The following TTC23 variants were observed in gnomAD, a reference collection of about 807,000 sequenced individuals.
TTC23 encodes the protein tetratricopeptide repeat domain 23.
TTC23 carries 58 observed loss-of-function variants against 55.1 expected under a neutral mutation model. That is an observed-to-expected ratio of 1.05 (90% CI 0.85 to 1.31). The LOEUF (loss-of-function observed/expected upper bound fraction) is 1.31. TTC23 is among the 50% of genes most tolerant of loss of function. The pLI is 0.00. For synonymous variants in TTC23, 203 were observed against 199.9 expected, an observed-to-expected ratio of 1.02 and a Z score of -0.13; for missense variants, 516 against 534.4, an observed-to-expected ratio of 0.97 and a Z score of 0.34.
intron 4 of TTC23, among the ~76,000 whole-genome samples, chr15:99,228,997 T>C (rs567856801): frequency 1.8e-4 from 27 of 152,174 alleles, no homozygotes; most frequent in South Asian, 4.1e-4. Flanking sequence ...CATACATACA[T>C]GTATATGTGT....
At chr15:99,167,578 T>C (rs1034218691) in intron 10 of TTC23, among the ~76,000 whole-genome samples, 3 of 152,190 alleles carry the variant, frequency 2.0e-5, no homozygotes, top group Non-Finnish European at 4.4e-5. Context: ...CTTGGAGCCA[T>C]GTCATTCCAA....
Position 99,162,020 on chromosome 15 carries a change from T to G in TTC23, c.866-153A>C, listed in dbSNP as rs2071443139. On this transcript the variant is annotated intron_variant, in intron 10 of 13. Transcript: ENST00000394132. ...ACTGTCCTTTGCCCATTAATCTGCC[T>G]GTTTCATTAGAAAGGATTTAGGTCT... is the stretch of plus-strand genomic sequence containing the variant. Among the ~76,000 whole-genome samples the G allele has an allele frequency of 2.0e-5, 3 of 152,266 alleles. No individual in the cohort carries two copies. The South Asian group carries it at 6.2e-4, about 31-fold the overall frequency.
chr15:99,174,955 G>C (rs368559833), intron 10 of TTC23, 95 bp downstream of exon 10: 27 of 972,870 alleles, frequency 2.8e-5, no homozygotes, highest in East Asian at 2.4e-4. Context: ...GCGGGCCTGT[G>C]TCGCGGCTCT....
upstream of TTC23, among the ~76,000 whole-genome samples, chr15:99,250,269 CCT>C (rs1313823119): frequency 3.3e-5 from 5 of 152,130 alleles, no homozygotes; most frequent in African/African-American, 1.2e-4. Context: ...ATGCTGTATA[CCT>C]GAATAGCTCT....
rs1491308402 is a variant in TTC23 at position 99,204,633 on chromosome 15, T to TC, written c.582-4538_582-4537insG. 1.2e-4 allele frequency among the ~76,000 whole-genome samples: 5 copies of TC among 40,174 alleles called. No homozygotes were observed. The Admixed American group carries it at 1.4e-3, about 11-fold the overall frequency. The allele number at this position is 40,174 out of a possible 152,430, so 26.4% of individuals were successfully genotyped here. ...CAGAGTTTCAGTCTTAGATTTAAGGTTTTTTTTTTTTTTTTTTTTTTTAGA... is the reference window on the plus strand; with the variant it reads ...CAGAGTTTCAGTCTTAGATTTAAGGTCTTTTTTTTTTTTTTTTTTTTTTAGA... On this transcript the variant is annotated intron_variant, in intron 8 of 13. Coordinates refer to ENST00000394132, the MANE Select transcript of TTC23 (RefSeq NM_001288615.3).
chr15:99,207,764 A>G lies in TTC23; in HGVS notation c.582-7668T>C, dbSNP rs79816266. Among the ~76,000 whole-genome samples, 275 of 152,334 alleles carry G rather than the reference A, an allele frequency of 1.8e-3. 5 individuals carry two copies. In the East Asian group the frequency reaches 0.044, roughly 24 times the overall value. On this transcript the variant is annotated intron_variant, in intron 8 of 13. Coordinates refer to ENST00000394132, the MANE Select transcript of TTC23 (RefSeq NM_001288615.3). Reference sequence around the variant, plus strand: ...AGAGGGAGACTCTGTCTTAAATTAAATAAATAGATAAATAAACCATAAGAT... The same window carrying G: ...AGAGGGAGACTCTGTCTTAAATTAAGTAAATAGATAAATAAACCATAAGAT...
chr15:99,137,976 C>T lies in TTC23; in HGVS notation c.*34G>A. ...GTACAGCACCCTAAATGACAGTGCC[C>T]AGGAATGTCCTAGGCTTTTTCAGGG... On this transcript the variant is annotated 3_prime_UTR_variant, in exon 14 of 14. Transcript: ENST00000394132. The T allele has an allele frequency of 6.2e-7, 1 of 1,613,590 alleles. No individual in the cohort carries two copies. Among genetic ancestry groups the T allele is most frequent in the Non-Finnish European group, 8.5e-7 (1 of 1,179,694 alleles).
At position 99,137,999 on chromosome 15, in the gene TTC23, G is replaced by A. The variant is rs1555487935; in HGVS notation, c.*11C>T. 6 of 1,613,968 alleles carry A rather than the reference G, an allele frequency of 3.7e-6. No homozygotes were observed. The highest frequency in any genetic ancestry group is 5.1e-6 in the Non-Finnish European group (6 of 1,180,008). On this transcript the variant is annotated 3_prime_UTR_variant, in exon 14 of 14. Transcript: ENST00000394132. ...CCCAGGAATGTCCTAGGCTTTTTCA[G>A]GGTGGGGGCCTCAGTCTGCTGTTGT... is the stretch of plus-strand genomic sequence containing the variant.
At position 99,139,368 on chromosome 15, in the gene TTC23, G is replaced by T; in HGVS notation, c.1175C>A (p.Pro392Gln). ...GGTGGCCAGAGTCCTTTTGTCCTGCGGTCCATATAAGAGGGTCTGGATCTG... is the reference window on the plus strand; with the variant it reads ...GGTGGCCAGAGTCCTTTTGTCCTGCTGTCCATATAAGAGGGTCTGGATCTG... ...CLQIQTLLYG[P>Q]QDKRTLATQQ... Residue 392 changes from proline (P) to glutamine (Q), a missense_variant, in exon 13 of 14, where the codon CCG becomes CAG. Transcript: ENST00000394132. 6.2e-7 allele frequency: 1 copy of T among 1,614,028 alleles called. No individual in the cohort carries two copies. The highest frequency in any genetic ancestry group is 2.2e-5 in the East Asian group (1 of 44,876).
chr15:99,246,989 A>G (rs2080304287), intron 1 of TTC23, among the ~76,000 whole-genome samples: 1 of 152,226 alleles, frequency 6.6e-6, no homozygotes, highest in Non-Finnish European at 1.5e-5. Context: ...TGACAACTCA[A>G]TTAAAAAAAT....
chr15:99,163,344 G>C (rs559736412), intron 10 of TTC23, among the ~76,000 whole-genome samples: 1 of 152,258 alleles, frequency 6.6e-6, no homozygotes, highest in African/African-American at 2.4e-5. Context: ...GGGGTCACTG[G>C]CCACCAGCTC....
rs1329745546 is a variant in TTC23, at chr15:99,137,284, G to A, written c.*726C>T. ...TGTGCCAACTCAGGAAGCAGCTCCA[G>A]GTGGCATCCAGGTTTGTCCTGCCTG... is the stretch of plus-strand genomic sequence containing the variant. On this transcript the variant is annotated 3_prime_UTR_variant, in exon 14 of 14. Transcript: ENST00000394132. 6.6e-6 allele frequency: 1 copy of A among 152,364 alleles called. No individual in the cohort carries two copies. Among genetic ancestry groups the A allele is most frequent in the Non-Finnish European group, 1.5e-5 (1 of 68,122 alleles). The allele number at this position is 152,364 out of a possible 1,614,324, so 9.4% of individuals were successfully genotyped here. A position where few individuals can be genotyped will look rare whatever the true frequency, so the allele number is the denominator to read the frequency against.
chr15:99,202,407 A>T (rs2076275171), intron 8 of TTC23, among the ~76,000 whole-genome samples: 1 of 152,214 alleles, frequency 6.6e-6, no homozygotes, highest in Non-Finnish European at 1.5e-5. Flanking sequence ...TGAAGGAAGT[A>T]CAAACACCAA....
At chr15:99,234,493 C>T (rs2079158885) in intron 4 of TTC23, among the ~76,000 whole-genome samples, 1 of 152,194 alleles carries the variant, frequency 6.6e-6, no homozygotes, top group South Asian at 2.1e-4. Context: ...GCCTCAGCCT[C>T]CTGAGCAGCT....
At position 99,156,131 on chromosome 15, in the gene TTC23, A is replaced by G; in HGVS notation, c.1143+17T>C. The G allele has an allele frequency of 1.2e-6, 2 of 1,614,150 alleles. No homozygotes were observed. Among genetic ancestry groups the G allele is most frequent in the Non-Finnish European group, 1.7e-6 (2 of 1,180,014 alleles). On this transcript the variant is annotated intron_variant, in intron 12 of 13. Coordinates refer to ENST00000394132, the MANE Select transcript of TTC23 (RefSeq NM_001288615.3). The stretch of plus-strand genomic sequence containing the variant: ...AGGGAGAGCCTAGTCTCGTGTTAGT[A>G]CTGGTTCCAGCTTTACCTTCTTCAG...
At chr15:99,161,627 C>G in intron 11 of TTC23, 113 bp downstream of exon 11, 1 of 1,238,368 alleles carries the variant, frequency 8.1e-7, no homozygotes, top group Non-Finnish European at 1.1e-6. Flanking sequence ...CCTCTAGAGA[C>G]TGGCACATGC....
chr15:99,181,654 G>A (rs146413859), intron 9 of TTC23, among the ~76,000 whole-genome samples: 235 of 152,236 alleles, frequency 1.5e-3, no homozygotes, highest in African/African-American at 5.3e-3. Flanking sequence ...ACAGGGTCAC[G>A]TTGCAGCCCC....
At chr15:99,171,425 C>G (rs904551447) in intron 10 of TTC23, among the ~76,000 whole-genome samples, 2 of 151,932 alleles carry the variant, frequency 1.3e-5, no homozygotes, top group African/African-American at 4.8e-5. Context: ...GTCCTGCCTC[C>G]GAGGGTTGTT....
At chr15:99,240,521 T>C (rs535465894) in intron 3 of TTC23, among the ~76,000 whole-genome samples, 1 of 152,350 alleles carries the variant, frequency 6.6e-6, no homozygotes, top group South Asian at 2.1e-4. Context: ...ACTAGATCTA[T>C]GCCACCACAG....
Sources: allele counts gnomAD v4.1 joint callset (sites outside exome capture counted in the v4.1 genomes callset), GRCh38; gene constraint gnomAD v4.1.1; transcripts MANE v1.5; gene names NCBI Gene and HGNC (gene_info 2026-07-23, HGNC 2026-07-21).